FSTL5: variants seen among roughly 807,000 people sequenced by gnomAD.
FSTL5 encodes the protein follistatin like 5.
FSTL5 carries 62 observed loss-of-function variants against 89.1 expected under a neutral mutation model. The ratio of observed to expected loss-of-function variants is 0.70; its 90% CI spans 0.57 to 0.86. FSTL5 has a LOEUF of 0.86. Among genes scored for constraint, FSTL5 ranks in the 40% least tolerant of loss-of-function variants. The pLI, the probability that FSTL5 is intolerant of heterozygous loss-of-function variation, is 0.00. For synonymous variants in FSTL5, 383 were observed against 346.2 expected (o/e 1.11, Z -1.18); for missense variants, 1,057 against 1,001.6 (o/e 1.06, Z -0.75).
chr4:161,810,379 ATAAT>A (rs1466998504), intron 4 of FSTL5, among the ~76,000 whole-genome samples: 1 of 152,174 alleles, frequency 6.6e-6, no homozygotes, highest in African/African-American at 2.4e-5. Context: ...AAATACTAAC[ATAAT>A]TAGAGAATGC....
At chr4:161,492,289 A>G (rs1185202099) in intron 12 of FSTL5, among the ~76,000 whole-genome samples, 1 of 152,152 alleles carries the variant, frequency 6.6e-6, no homozygotes, top group African/African-American at 2.4e-5. Flanking sequence ...ATAAACTAGT[A>G]AACAAACCTC....
chr4:161,462,786 AG>A (rs1042909985), intron 13 of FSTL5, among the ~76,000 whole-genome samples: 2 of 152,154 alleles, frequency 1.3e-5, no homozygotes, highest in Non-Finnish European at 2.9e-5. Context: ...TAATGTTTCA[AG>A]GTTAGATGTG....
chr4:161,911,477 G>A (rs922484027), intron 4 of FSTL5, among the ~76,000 whole-genome samples: 31 of 151,940 alleles, frequency 2.0e-4, no homozygotes, highest in African/African-American at 5.8e-4. Flanking sequence ...TGAAAAAAAC[G>A]TGATTACAAT....
chr4:162,125,541 A>G (rs1436118703), intron 1 of FSTL5, among the ~76,000 whole-genome samples: 1 of 152,100 alleles, frequency 6.6e-6, no homozygotes, highest in African/African-American at 2.4e-5. Flanking sequence ...TGTTTCCATT[A>G]AACTATCTAT....
intron 1 of FSTL5, among the ~76,000 whole-genome samples, chr4:162,137,457 C>CCACA (rs146613040): frequency 3.3e-5 from 5 of 151,650 alleles, no homozygotes; most frequent in East Asian, 1.9e-4. Context: ...TGGCCACATA[C>CCACA]CACACACACA....
In FSTL5 at chr4:161,578,897, T is replaced by TA. The variant is rs542370343; in HGVS notation, c.1015+8557dup. ...TATCCAACAGAAATATTATTTAATT[T>TA]AAAAAAAAGTAAAAATATCTTCATA... On this transcript the variant is annotated intron_variant, in intron 8 of 15. Coordinates refer to ENST00000306100, the MANE Select transcript of FSTL5 (RefSeq NM_020116.5). Among the ~76,000 whole-genome samples the TA allele has an allele frequency of 8.8e-4, 134 of 151,968 alleles. 1 individual carries two copies. Among genetic ancestry groups the TA allele is most frequent in the African/African-American group, 3.0e-3 (125 of 41,478 alleles).
intron 2 of FSTL5, among the ~76,000 whole-genome samples, chr4:162,107,560 G>C (rs1396266216): frequency 6.6e-6 from 1 of 152,126 alleles, no homozygotes; most frequent in East Asian, 1.9e-4. Context: ...AATTAGGATG[G>C]TTAAGTATTG....
intron 6 of FSTL5, among the ~76,000 whole-genome samples, chr4:161,695,119 C>T (rs916114540): frequency 6.6e-6 from 1 of 151,408 alleles, no homozygotes; most frequent in Admixed American, 6.6e-5. Flanking sequence ...TGAGTAAGTT[C>T]TTTAGTGGTA....
At chr4:161,433,001 T>C (rs1732433063) in intron 15 of FSTL5, among the ~76,000 whole-genome samples, 2 of 151,742 alleles carry the variant, frequency 1.3e-5, no homozygotes, top group Admixed American at 6.6e-5. Context: ...TACCAAACAT[T>C]GAAAGAACTA....
intron 7 of FSTL5, among the ~76,000 whole-genome samples, chr4:161,589,451 G>A (rs1733732213): frequency 6.6e-6 from 1 of 152,118 alleles, no homozygotes; most frequent in Non-Finnish European, 1.5e-5. Flanking sequence ...CCCAAGTGCT[G>A]AGATTACAGG....
chr4:161,705,319 A>C (rs1185120379), intron 6 of FSTL5, among the ~76,000 whole-genome samples: 1 of 152,116 alleles, frequency 6.6e-6, no homozygotes, highest in Non-Finnish European at 1.5e-5. Context: ...AGAGAGGATG[A>C]CATATTTATT....
At chr4:162,090,109 C>T (rs981823219) in intron 2 of FSTL5, among the ~76,000 whole-genome samples, 1 of 152,076 alleles carries the variant, frequency 6.6e-6, no homozygotes, top group East Asian at 1.9e-4. Flanking sequence ...GGATTAAATA[C>T]TTAAATGTAA....
intron 4 of FSTL5, among the ~76,000 whole-genome samples, chr4:161,908,777 C>T (rs1015123123): frequency 1.3e-5 from 2 of 152,122 alleles, no homozygotes; most frequent in Non-Finnish European, 2.9e-5. Flanking sequence ...AGTTTAACCA[C>T]AGCACAATGG....
chr4:161,989,670 G>A (rs1366183532), intron 3 of FSTL5, among the ~76,000 whole-genome samples: 2 of 152,118 alleles, frequency 1.3e-5, no homozygotes, highest in African/African-American at 4.8e-5. Flanking sequence ...CCACTACTAT[G>A]ATACTCAGCA....
At chr4:161,728,020 G>A (rs762988160) in intron 6 of FSTL5, among the ~76,000 whole-genome samples, 3 of 152,112 alleles carry the variant, frequency 2.0e-5, no homozygotes, top group Non-Finnish European at 4.4e-5. Flanking sequence ...AAGTCCAAAT[G>A]TGTTGAATCA....
intron 2 of FSTL5, among the ~76,000 whole-genome samples, chr4:162,071,279 C>T (rs1005558183): frequency 1.2e-4 from 18 of 150,808 alleles, no homozygotes; most frequent in Admixed American, 8.0e-4. Context: ...CACTCATAGA[C>T]TAAAAGTAAA....
intron 8 of FSTL5, among the ~76,000 whole-genome samples, chr4:161,562,417 T>C (rs1732637513): frequency 6.6e-6 from 1 of 151,992 alleles, no homozygotes; most frequent in Non-Finnish European, 1.5e-5. Context: ...TTGGGGAGTA[T>C]TGCCATCTTA....
chr4:161,945,959 T>A (rs1177979700), intron 3 of FSTL5, among the ~76,000 whole-genome samples: 3 of 152,136 alleles, frequency 2.0e-5, no homozygotes, highest in Non-Finnish European at 4.4e-5. Context: ...ATTATAATTA[T>A]AATTTAAATT....
At chr4:161,405,985 CTG>C (rs1002663563) in intron 15 of FSTL5, among the ~76,000 whole-genome samples, 39 of 152,112 alleles carry the variant, frequency 2.6e-4, no homozygotes, top group African/African-American at 6.3e-4. Flanking sequence ...TTTTAAGAAT[CTG>C]AGAGAATTCA....
Sources: allele counts gnomAD v4.1 joint callset (sites outside exome capture counted in the v4.1 genomes callset), GRCh38; gene constraint gnomAD v4.1.1; transcripts MANE v1.5; gene names NCBI Gene and HGNC (gene_info 2026-07-23, HGNC 2026-07-21).